Variants in GRM1 observed in about 807,000 individuals in gnomAD.
GRM1 encodes the protein metabotropic glutamate receptor 1.
Under a neutral mutation model 90.9 loss-of-function variants are expected in GRM1, and 33 were observed. That is an observed-to-expected ratio of 0.36 (90% CI 0.28 to 0.49). GRM1 has a LOEUF of 0.49. Ranked by LOEUF, GRM1 falls within the 20% of genes least tolerant of loss-of-function variation. GRM1 has a pLI of 0.99. For synonymous variants in GRM1, 700 were observed against 613.2 expected, an observed-to-expected ratio of 1.14 and a Z score of -2.09; for missense variants, 1,190 against 1,534.3, an observed-to-expected ratio of 0.78 and a Z score of 3.75.
chr6:146,084,144 C>T (rs1393517014), intron 1 of GRM1, among the ~76,000 whole-genome samples: 1 of 151,946 alleles, frequency 6.6e-6, no homozygotes, highest in Admixed American at 6.6e-5. Context: ...ATTACTCTAG[C>T]TAGCAGTCTA....
intron 7 of GRM1, among the ~76,000 whole-genome samples, chr6:146,415,812 G>T (rs999038881): frequency 7.2e-5 from 11 of 152,178 alleles, no homozygotes; most frequent in African/African-American, 2.7e-4. Flanking sequence ...CTGAGAAATT[G>T]ATCACAAATA....
In GRM1 at chr6:146,341,591, G is replaced by A. The variant is rs139821852; in HGVS notation, c.1187-10659G>A. On this transcript the variant is annotated intron_variant, in intron 3 of 7. Coordinates refer to ENST00000282753, the MANE Select transcript of GRM1 (RefSeq NM_001278064.2). ...GTATTTTGGTAGGACTGAATCCCAC[G>A]ATGAAGACATCATCCGAAAAGGGAA... 1.2e-3 allele frequency among the ~76,000 whole-genome samples: 176 copies of A among 152,206 alleles called. 1 individual carries two copies. Among genetic ancestry groups the A allele is most frequent in the African/African-American group, 4.0e-3 (166 of 41,538 alleles).
intron 1 of GRM1, among the ~76,000 whole-genome samples, chr6:146,132,255 TG>T (rs1447572482): frequency 1.3e-5 from 2 of 152,006 alleles, no homozygotes; most frequent in African/African-American, 2.4e-5. Context: ...AGGTTGAGAA[TG>T]GATCGGAGAG....
chr6:146,357,805 GC>G, intron 5 of GRM1, 111 bp downstream of exon 5: 2 of 883,498 alleles, frequency 2.3e-6, no homozygotes, highest in Non-Finnish European at 3.7e-6. Context: ...GAAAGGGTGT[GC>G]CAGGCTTACA....
intron 1 of GRM1, among the ~76,000 whole-genome samples, chr6:146,094,537 G>T (rs1285712897): frequency 6.6e-6 from 1 of 152,018 alleles, no homozygotes; most frequent in African/African-American, 2.4e-5. Context: ...ATACTATTTG[G>T]TAACACTAGC....
At chr6:146,330,551 G>T (rs1784553621) in intron 3 of GRM1, among the ~76,000 whole-genome samples, 1 of 151,482 alleles carries the variant, frequency 6.6e-6, no homozygotes, top group African/African-American at 2.4e-5. Context: ...ATTTTATATT[G>T]GATTTAAAAA....
intron 3 of GRM1, among the ~76,000 whole-genome samples, chr6:146,332,465 T>C (rs987137478): frequency 3.3e-5 from 5 of 152,190 alleles, no homozygotes; most frequent in African/African-American, 1.2e-4. Context: ...ACATCCCTTT[T>C]CGTGCTTTCC....
At chr6:146,387,073 C>G (rs1304971183) in intron 6 of GRM1, 57 bp downstream of exon 6, 1 of 1,526,264 alleles carries the variant, frequency 6.6e-7, no homozygotes, top group Non-Finnish European at 9.1e-7. Context: ...TCCAATGTGT[C>G]CATCCCTCAA....
intron 1 of GRM1, among the ~76,000 whole-genome samples, chr6:146,118,562 G>A (rs898985995): frequency 6.6e-6 from 1 of 152,128 alleles, no homozygotes; most frequent in African/African-American, 2.4e-5. Context: ...ATTTACATTA[G>A]GTATATCTCC....
At chr6:146,052,160 C>A (rs1775315396) in intron 1 of GRM1, among the ~76,000 whole-genome samples, 1 of 151,872 alleles carries the variant, frequency 6.6e-6, no homozygotes, top group Non-Finnish European at 1.5e-5. Flanking sequence ...AAAACATGTT[C>A]TTTATTTGTC....
chr6:146,155,144 G>A (rs1583081587), intron 1 of GRM1, among the ~76,000 whole-genome samples: 1 of 152,110 alleles, frequency 6.6e-6, no homozygotes, highest in East Asian at 1.9e-4. Context: ...TTACATTCTA[G>A]GGGAAAAAGA....
At chr6:146,338,202 C>G (rs1300312658) in intron 3 of GRM1, among the ~76,000 whole-genome samples, 1 of 152,072 alleles carries the variant, frequency 6.6e-6, no homozygotes, top group Non-Finnish European at 1.5e-5. Flanking sequence ...ATATTTTTAC[C>G]ACGAATTATA....
intron 1 of GRM1, among the ~76,000 whole-genome samples, chr6:146,129,791 A>G (rs753014721): frequency 3.8e-4 from 58 of 152,268 alleles, no homozygotes; most frequent in Non-Finnish European, 6.6e-4. Flanking sequence ...TGATTTCTGA[A>G]TGTTGTGCCA....
chr6:146,037,030 A>G (rs1009795190), intron 1 of GRM1, among the ~76,000 whole-genome samples: 4 of 152,040 alleles, frequency 2.6e-5, no homozygotes, highest in African/African-American at 9.7e-5. Context: ...TGAAAAATGC[A>G]CAAAACATAT....
intron 1 of GRM1, among the ~76,000 whole-genome samples, chr6:146,064,869 G>A (rs1582950516): frequency 1.3e-5 from 2 of 150,796 alleles, no homozygotes; most frequent in Admixed American, 1.3e-4. Flanking sequence ...AATAGTTACA[G>A]AATTTTTTTC....
intron 7 of GRM1, among the ~76,000 whole-genome samples, chr6:146,423,139 C>T (rs952678526): frequency 2.0e-5 from 3 of 152,192 alleles, no homozygotes; most frequent in Non-Finnish European, 2.9e-5. Context: ...AAGATTCAAG[C>T]ACAGATTTGG....
chr6:146,122,218 C>T (rs1223147210), intron 1 of GRM1, among the ~76,000 whole-genome samples: 1 of 152,066 alleles, frequency 6.6e-6, no homozygotes, highest in Non-Finnish European at 1.5e-5. Flanking sequence ...GTCTTTGCCC[C>T]CTTCTAGGCT....
intron 6 of GRM1, among the ~76,000 whole-genome samples, chr6:146,393,347 T>G (rs985266562): frequency 7.2e-5 from 11 of 152,186 alleles, no homozygotes; most frequent in Non-Finnish European, 1.0e-4. Flanking sequence ...GAAGTTTCTG[T>G]TCGTATCCTT....
chr6:146,191,310 G>A (rs1417654436), intron 2 of GRM1, among the ~76,000 whole-genome samples: 2 of 152,160 alleles, frequency 1.3e-5, no homozygotes, highest in Non-Finnish European at 2.9e-5. Context: ...CAAGGACCAG[G>A]TCTTGCTTGT....
Sources: gnomAD v4.1 joint callset for allele counts (sites outside exome capture counted in the v4.1 genomes callset) on GRCh38, gnomAD v4.1.1 for gene constraint, MANE v1.5 for transcripts, NCBI Gene and HGNC (gene_info 2026-07-23, HGNC 2026-07-21) for gene names.